The following MALRD1 variants were observed in gnomAD, a reference collection of about 807,000 sequenced individuals.
MALRD1 encodes MAM and LDL receptor class A domain containing 1, also known as MAM and LDL-receptor class A domain-containing protein 1.
In MALRD1, 247 loss-of-function variants were observed where a neutral mutation model predicts 242.1. The observed-to-expected ratio is 1.02, with a 90% CI of 0.92 to 1.13. The LOEUF (loss-of-function observed/expected upper bound fraction) is 1.13, where lower values mean the gene tolerates loss of function less well. Ranked by LOEUF, MALRD1 falls within the 50% of genes most tolerant of loss-of-function variation. MALRD1 has a pLI of 0.00. For synonymous variants in MALRD1, 995 were observed against 866.6 expected (o/e 1.15, Z -2.60); for missense variants, 2,989 against 2,533.1 (o/e 1.18, Z -3.86).
intron 18 of MALRD1, among the ~76,000 whole-genome samples, chr10:19,231,601 T>C (rs922469705): frequency 1.3e-5 from 2 of 151,650 alleles, no homozygotes; most frequent in African/African-American, 2.4e-5. Flanking sequence ...GGTTTTAAAA[T>C]GGGAGTTTCC....
chr10:19,310,435 G>T (rs546824403), intron 21 of MALRD1, among the ~76,000 whole-genome samples: 2 of 151,546 alleles, frequency 1.3e-5, no homozygotes, highest in Non-Finnish European at 3.0e-5. Context: ...AATTGGAAAT[G>T]CATGTTGAAA....
At chr10:19,450,999 T>G (rs565733421) in intron 29 of MALRD1, among the ~76,000 whole-genome samples, 7 of 152,322 alleles carry the variant, frequency 4.6e-5, no homozygotes, top group African/African-American at 1.4e-4. Flanking sequence ...GTTTAGGATT[T>G]CAACATATGA....
chr10:19,656,072 A>G lies in MALRD1; in HGVS notation c.6138-36210A>G, dbSNP rs114868630. Among the ~76,000 whole-genome samples the G allele has an allele frequency of 6.7e-3, 1,023 of 152,298 alleles. 10 individuals carry two copies. The highest frequency in any genetic ancestry group is 0.024 in the African/African-American group (977 of 41,566). ...GATTAAATGAGTGAATATTGGTAAA[A>G]CAATGCCAGTATATAGTAAGTGCTC... On this transcript the variant is annotated intron_variant, in intron 36 of 39. Coordinates refer to ENST00000454679, the MANE Select transcript of MALRD1 (RefSeq NM_001142308.3).
chr10:19,088,322 A>C, intron 4 of MALRD1, 137 bp downstream of exon 4: 7 of 763,368 alleles, frequency 9.2e-6, no homozygotes, highest in Non-Finnish European at 1.2e-5. Context: ...TCAAATGCTG[A>C]AAGTGGACAT....
At chr10:19,539,497 A>G (rs1206417164) in intron 32 of MALRD1, among the ~76,000 whole-genome samples, 2 of 152,014 alleles carry the variant, frequency 1.3e-5, no homozygotes, top group Admixed American at 6.6e-5. Flanking sequence ...TGCATATTAT[A>G]TTTTTCAGTA....
rs1236218798 is a variant in MALRD1, at chr10:19,331,488, C to T, written c.3807C>T (p.Phe1269=). Residue 1269 remains phenylalanine, a synonymous_variant, in exon 24 of 40, where the codon TTC becomes TTT. Coordinates refer to ENST00000454679, the MANE Select transcript of MALRD1 (RefSeq NM_001142308.3). The part of the protein sequence containing the change: ...SPERKCTDHE[F]MCANKHCIAK... ...AGAGAAAGTGTACTGATCATGAATT[C>T]ATGTGTGCTAATAAGCACTGCATTG... 2 of 1,550,368 alleles carry T rather than the reference C, an allele frequency of 1.3e-6. No individual in the cohort carries two copies. Among genetic ancestry groups the T allele is most frequent in the Admixed American group, 3.9e-5 (2 of 50,954 alleles).
intron 18 of MALRD1, among the ~76,000 whole-genome samples, chr10:19,222,715 CAT>C (rs1415385008): frequency 5.3e-5 from 8 of 152,104 alleles, no homozygotes; most frequent in African/African-American, 1.7e-4. Context: ...TTGTTTGAAT[CAT>C]GTGCAACATT....
chr10:19,263,883 TTTC>T (rs1457903692), intron 19 of MALRD1, among the ~76,000 whole-genome samples: 1 of 152,194 alleles, frequency 6.6e-6, no homozygotes, highest in African/African-American at 2.4e-5. Context: ...CATCAGTTTT[TTTC>T]TTCTTGTTCA....
At chr10:19,597,914 A>T (rs1838177997) in intron 34 of MALRD1, among the ~76,000 whole-genome samples, 1 of 152,186 alleles carries the variant, frequency 6.6e-6, no homozygotes. Flanking sequence ...TGAAGTGAAG[A>T]TTGTTGCAGG....
intron 33 of MALRD1, among the ~76,000 whole-genome samples, chr10:19,578,845 C>T (rs1415250696): frequency 1.3e-5 from 2 of 151,970 alleles, no homozygotes; most frequent in South Asian, 2.1e-4. Flanking sequence ...TGCGCCCTGT[C>T]GGTTTCCATA....
chr10:19,518,954 C>G (rs867926803), intron 31 of MALRD1, among the ~76,000 whole-genome samples: 5 of 152,118 alleles, frequency 3.3e-5, no homozygotes, highest in African/African-American at 1.2e-4. Flanking sequence ...AGCATTATCC[C>G]TATAATGCTG....
intron 18 of MALRD1, among the ~76,000 whole-genome samples, chr10:19,234,374 A>T (rs1038604689): frequency 6.6e-5 from 10 of 151,230 alleles, no homozygotes; most frequent in Non-Finnish European, 1.2e-4. Flanking sequence ...TGAGCCCCTA[A>T]AAAACATTTA....
chr10:19,663,874 C>A (rs909312774), intron 36 of MALRD1, among the ~76,000 whole-genome samples: 1 of 151,988 alleles, frequency 6.6e-6, no homozygotes, highest in African/African-American at 2.4e-5. Flanking sequence ...CTAGCTTTGA[C>A]CAGTGTTTTT....
At chr10:19,465,534 T>A (rs1031792636) in intron 29 of MALRD1, among the ~76,000 whole-genome samples, 10 of 152,122 alleles carry the variant, frequency 6.6e-5, no homozygotes, top group Admixed American at 1.3e-4. Context: ...GGAGTCTTTT[T>A]AAAAAATTTT....
intron 28 of MALRD1, among the ~76,000 whole-genome samples, chr10:19,445,316 G>C (rs894575788): frequency 6.6e-6 from 1 of 152,158 alleles, no homozygotes; most frequent in Non-Finnish European, 1.5e-5. Context: ...CTGTCAATTT[G>C]TCAAAGTTAT....
At chr10:19,590,315 G>A (rs1837701480) in intron 33 of MALRD1, among the ~76,000 whole-genome samples, 1 of 146,534 alleles carries the variant, frequency 6.8e-6, no homozygotes, top group Admixed American at 6.9e-5. Context: ...TGTTATATAT[G>A]TATATATACA....
intron 2 of MALRD1, among the ~76,000 whole-genome samples, chr10:19,072,008 C>G (rs116685530): frequency 1.9e-3 from 283 of 152,230 alleles, no homozygotes; most frequent in African/African-American, 6.1e-3. Flanking sequence ...AACTTGCAAT[C>G]TGGTGATAGA....
At chr10:19,351,485 G>A (rs1422020429) in intron 25 of MALRD1, among the ~76,000 whole-genome samples, 1 of 152,090 alleles carries the variant, frequency 6.6e-6, no homozygotes, top group Non-Finnish European at 1.5e-5. Flanking sequence ...CTGGGGTTTT[G>A]TTGTATTTAA....
chr10:19,585,072 T>G (rs558841888), intron 33 of MALRD1, among the ~76,000 whole-genome samples: 13 of 152,098 alleles, frequency 8.5e-5, no homozygotes, highest in African/African-American at 3.1e-4. Context: ...GTTTTCCATT[T>G]GTTTGGTAGA....
Sources: allele counts gnomAD v4.1 joint callset (sites outside exome capture counted in the v4.1 genomes callset), GRCh38; gene constraint gnomAD v4.1.1; transcripts MANE v1.5; gene names NCBI Gene and HGNC (gene_info 2026-07-23, HGNC 2026-07-21).